Variants in SLC15A1 observed in about 807,000 individuals in gnomAD.
The protein encoded by SLC15A1 is solute carrier family 15 member 1.
Under a neutral mutation model 92.9 loss-of-function variants are expected in SLC15A1, and 83 were observed. The observed-to-expected ratio is 0.89, with a 90% CI of 0.75 to 1.07. SLC15A1 has a LOEUF of 1.07. SLC15A1 is among the 50% of genes least tolerant of loss of function. The pLI is 0.00. For missense variants in SLC15A1, 857 were observed against 880.1 expected (o/e 0.97, Z 0.33); for synonymous variants, 322 against 318.2 (o/e 1.01, Z -0.13).
At chr13:98,722,573 T>C (rs1238515578) in intron 5 of SLC15A1, among the ~76,000 whole-genome samples, 3 of 152,236 alleles carry the variant, frequency 2.0e-5, no homozygotes, top group Non-Finnish European at 4.4e-5. Context: ...TTTATAGGCA[T>C]GTATCCCATA....
intron 18 of SLC15A1, among the ~76,000 whole-genome samples, chr13:98,689,695 C>A (rs777782067): frequency 1.9e-4 from 29 of 152,128 alleles, no homozygotes; most frequent in Admixed American, 9.2e-4. Context: ...AGAGATCCTC[C>A]CTCCACAGCC....
intron 14 of SLC15A1, 132 bp downstream of exon 14, chr13:98,709,440 T>C: frequency 2.9e-6 from 2 of 684,666 alleles, no homozygotes; most frequent in Non-Finnish European, 5.1e-6. Flanking sequence ...CACACGAACA[T>C]TTGTTTTCTT....
chr13:98,741,593 A>C (rs951905145), intron 1 of SLC15A1, among the ~76,000 whole-genome samples: 11 of 152,064 alleles, frequency 7.2e-5, no homozygotes, highest in African/African-American at 2.7e-4. Flanking sequence ...AAATGTAGCC[A>C]CATGCCTGTA....
In SLC15A1 at chr13:98,726,864, A is replaced by G. The variant is rs2139596653; in HGVS notation, c.5-5T>C. On this transcript the variant is annotated splice_polypyrimidine_tract_variant and splice_region_variant and intron_variant, in intron 1 of 22. Coordinates refer to ENST00000376503, the MANE Select transcript of SLC15A1 (RefSeq NM_005073.4). ...TCACGTGTGATTTGGACATTCCTAA[A>G]AGAAAAACAGAATCCCAATATTAAA... 6.2e-7 allele frequency: 1 copy of G among 1,613,344 alleles called. No individual in the cohort carries two copies. The highest frequency in any genetic ancestry group is 2.2e-5 in the East Asian group (1 of 44,884).
intron 18 of SLC15A1, among the ~76,000 whole-genome samples, chr13:98,698,334 C>T (rs1246233057): frequency 1.3e-5 from 2 of 152,168 alleles, no homozygotes; most frequent in African/African-American, 4.8e-5. Context: ...AAAACAGAAA[C>T]ATAAATCTAA....
At chr13:98,730,422 C>A (rs2088341012) in intron 1 of SLC15A1, among the ~76,000 whole-genome samples, 2 of 152,304 alleles carry the variant, frequency 1.3e-5, no homozygotes, top group South Asian at 4.1e-4. Context: ...GATTCCTCCG[C>A]ACGAATAACC....
chr13:98,695,072 AAAAT>A (rs1274813027), intron 18 of SLC15A1, among the ~76,000 whole-genome samples: 1 of 151,928 alleles, frequency 6.6e-6, no homozygotes, highest in Non-Finnish European at 1.5e-5. Context: ...GCTAAATACT[AAAAT>A]AAAATATTTT....
intron 2 of SLC15A1, 95 bp downstream of exon 2, chr13:98,726,748 T>G: frequency 8.2e-7 from 1 of 1,215,322 alleles, no homozygotes; most frequent in South Asian, 1.2e-5. Flanking sequence ...TGGTTCCAGA[T>G]GTACAGATCT....
At position 98,744,543 on chromosome 13, in the gene SLC15A1, A is replaced by G. The variant is rs535857136; in HGVS notation, c.4+8052T>C. ...AGGCGGGCAGATCATGAGGTTAGGA[A>G]ATCAAGATCAGCCTGGCCAAGGTAG... On this transcript the variant is annotated intron_variant, in intron 1 of 22. Transcript: ENST00000376503. Among the ~76,000 whole-genome samples the G allele has an allele frequency of 1.5e-3, 227 of 151,856 alleles. 1 individual carries two copies. The highest frequency in any genetic ancestry group is 4.8e-3 in the African/African-American group (200 of 41,452).
At chr13:98,747,319 C>G (rs1465771770) in intron 1 of SLC15A1, among the ~76,000 whole-genome samples, 6 of 152,176 alleles carry the variant, frequency 3.9e-5, no homozygotes, top group Admixed American at 2.0e-4. Context: ...CACCTACCCA[C>G]TTTCTCATCC....
intron 18 of SLC15A1, among the ~76,000 whole-genome samples, chr13:98,693,878 C>G (rs538804858): frequency 2.6e-5 from 4 of 152,236 alleles, no homozygotes; most frequent in Non-Finnish European, 4.4e-5. Flanking sequence ...TCACACAATA[C>G]TGGCTTCCCT....
chr13:98,723,420 GATTA>G (rs1307192432), intron 5 of SLC15A1, among the ~76,000 whole-genome samples: 2 of 152,214 alleles, frequency 1.3e-5, no homozygotes, highest in African/African-American at 4.8e-5. Flanking sequence ...AGTGAAGCAA[GATTA>G]ATCCAGCACA....
chr13:98,724,620 C>T (rs1422575139), intron 4 of SLC15A1, among the ~76,000 whole-genome samples: 11 of 151,972 alleles, frequency 7.2e-5, no homozygotes, highest in South Asian at 2.1e-4. Flanking sequence ...TACAGGGGCC[C>T]GCCACCATGC....
chr13:98,734,735 A>G (rs1594007339), intron 1 of SLC15A1, among the ~76,000 whole-genome samples: 1 of 152,336 alleles, frequency 6.6e-6, no homozygotes, highest in African/African-American at 2.4e-5. Context: ...TAGAAAATCT[A>G]GAAGAAATGC....
chr13:98,688,725 G>A, intron 18 of SLC15A1, 148 bp from the exon 19 acceptor site: 1 of 639,672 alleles, frequency 1.6e-6, no homozygotes, highest in South Asian at 2.0e-5. Context: ...AAGACAAAAA[G>A]TGAAAAACTC....
At chr13:98,718,316 T>C (rs1414380929) in intron 8 of SLC15A1, among the ~76,000 whole-genome samples, 1 of 51,266 alleles carries the variant, frequency 2.0e-5, no homozygotes, top group South Asian at 5.6e-4. Context: ...TTTTTTTTTT[T>C]TTTTTTTTTT....
chr13:98,713,792 A>G (rs1186577156), intron 9 of SLC15A1, among the ~76,000 whole-genome samples: 1 of 152,206 alleles, frequency 6.6e-6, no homozygotes, highest in African/African-American at 2.4e-5. Context: ...CACACCTGTA[A>G]TCCCAGCACT....
chr13:98,700,295 T>A (rs940350566), intron 18 of SLC15A1, among the ~76,000 whole-genome samples: 2 of 151,848 alleles, frequency 1.3e-5, no homozygotes, highest in Non-Finnish European at 1.5e-5. Context: ...GAGACCAGCA[T>A]GGGCAACATA....
At chr13:98,736,202 T>C (rs2088392504) in intron 1 of SLC15A1, among the ~76,000 whole-genome samples, 1 of 152,164 alleles carries the variant, frequency 6.6e-6, no homozygotes, top group African/African-American at 2.4e-5. Context: ...TCTGCAATCA[T>C]CTGATCTTTG....
Sources: gnomAD v4.1 joint callset for allele counts (sites outside exome capture counted in the v4.1 genomes callset) on GRCh38, gnomAD v4.1.1 for gene constraint, MANE v1.5 for transcripts, NCBI Gene and HGNC (gene_info 2026-07-23, HGNC 2026-07-21) for gene names.